The following FANCD2 variants were observed in gnomAD, a reference collection of about 807,000 sequenced individuals.
FANCD2 encodes the protein FA complementation group D2.
In FANCD2, 131 loss-of-function variants were observed where a neutral mutation model predicts 192.3. The observed-to-expected ratio is 0.68, with a 90% CI of 0.59 to 0.79. FANCD2 has a LOEUF of 0.79. FANCD2 is among the 30% of genes least tolerant of loss of function. The pLI, the probability that FANCD2 is intolerant of heterozygous loss-of-function variation, is 0.00. For missense variants in FANCD2, 1,508 were observed against 1,701.6 expected, an observed-to-expected ratio of 0.89 and a Z score of 2.00; for synonymous variants, 524 against 612.5, an observed-to-expected ratio of 0.86 and a Z score of 2.13.
intron 17 of FANCD2, among the ~76,000 whole-genome samples, chr3:10,050,589 C>T (rs1346952978): frequency 7.2e-6 from 1 of 139,300 alleles, no homozygotes; most frequent in Non-Finnish European, 1.5e-5. Flanking sequence ...CACCACTGCA[C>T]TCCAGTCTGG....
intron 3 of FANCD2, among the ~76,000 whole-genome samples, chr3:10,033,230 G>A (rs2124971518): frequency 6.6e-6 from 1 of 152,188 alleles, no homozygotes; most frequent in South Asian, 2.1e-4. Flanking sequence ...TGGGCAACAC[G>A]TCTCTACTAA....
chr3:10,040,296 A>G, intron 9 of FANCD2: 1 of 342,268 alleles, frequency 2.9e-6, no homozygotes, highest in South Asian at 2.3e-5. Flanking sequence ...TCGGCCTCCC[A>G]GAGTGCTGGG....
intron 14 of FANCD2, among the ~76,000 whole-genome samples, chr3:10,045,088 G>GTTTTTTTTTTTTT (rs76340293): frequency 1.2e-4 from 15 of 128,930 alleles, no homozygotes; most frequent in African/African-American, 2.0e-4. Flanking sequence ...CTTTTTAACT[G>GTTTTTTTTTTTTT]TTTTTTTTTT....
At chr3:10,099,483 G>A in intron 43 of FANCD2, 1 of 321,192 alleles carries the variant, frequency 3.1e-6, no homozygotes, top group Non-Finnish European at 4.8e-6. Flanking sequence ...AATAAACCTG[G>A]GTGCGGTGGC....
intron 38 of FANCD2, 136 bp from the exon 39 acceptor site, chr3:10,093,149 T>C: frequency 1.4e-6 from 1 of 701,688 alleles, no homozygotes. Context: ...CTTTGTAATA[T>C]TAATTTAAAT....
chr3:10,100,515 G>C (rs1293822135), intron 43 of FANCD2, among the ~76,000 whole-genome samples: 1 of 152,138 alleles, frequency 6.6e-6, no homozygotes, highest in Non-Finnish European at 1.5e-5. Flanking sequence ...AGGATTACAG[G>C]TGCCTGCAAC....
chr3:10,078,164 A>T lies in FANCD2; in HGVS notation c.2943A>T (p.Thr981=). ...CCCAGAAGCTGGAGAGTATGCTGAC[A>T]CCTCCTATTGCCAGGAGAGTCCCCT... ...DLSQKLESML[T]PPIARRVPFL... The change falls in exon 30 of 44, where the codon ACA becomes ACT. Residue 981 remains threonine (T), a synonymous_variant. Transcript: ENST00000675286. 2.5e-6 allele frequency: 4 copies of T among 1,613,062 alleles called. No individual in the cohort carries two copies. Among genetic ancestry groups the T allele is most frequent in the Non-Finnish European group, 3.4e-6 (4 of 1,179,210 alleles).
At position 10,086,145 on chromosome 3, in the gene FANCD2, C is replaced by G. The variant is rs56048825; in HGVS notation, c.3335+223C>G. Among the ~76,000 whole-genome samples, 112 of 152,314 alleles carry G rather than the reference C, an allele frequency of 7.4e-4. 1 individual carries two copies. In the South Asian group the frequency reaches 0.018, roughly 25 times the overall value. ...CTAAATCTTCATGAATGCATCAGCCCATAAACTCAGCCTTTTCAAGTAATA... is the reference window on the plus strand; with the variant it reads ...CTAAATCTTCATGAATGCATCAGCCGATAAACTCAGCCTTTTCAAGTAATA... On this transcript the variant is annotated intron_variant, in intron 33 of 43. Coordinates refer to ENST00000675286, the MANE Select transcript of FANCD2 (RefSeq NM_001018115.3).
chr3:10,027,017 A>G (rs1435266589), intron 1 of FANCD2, among the ~76,000 whole-genome samples: 1 of 152,224 alleles, frequency 6.6e-6, no homozygotes, highest in African/African-American at 2.4e-5. Context: ...GATGATGAGA[A>G]TAATGGTACC....
rs1206965584 is a variant in FANCD2, at chr3:10,041,766, AGT to A, written c.783+59_783+60del. 3 of 1,158,506 alleles carry A rather than the reference AGT, an allele frequency of 2.6e-6. No individual in the cohort carries two copies. In the East Asian group the frequency reaches 7.0e-5, roughly 27 times the overall value. 71.8% of individuals were successfully genotyped at this position (1,158,506 alleles called of 1,614,324 possible). On this transcript the variant is annotated intron_variant, in intron 10 of 43. Coordinates refer to ENST00000675286, the MANE Select transcript of FANCD2 (RefSeq NM_001018115.3). ...GCCAGCTTTCCAACCTCCCAGAACA[AGT>A]GTCAGTCAGTCATTGCCTTGGGAGT... is the stretch of plus-strand genomic sequence containing the variant.
intron 14 of FANCD2, chr3:10,046,286 C>T: frequency 2.7e-6 from 1 of 366,842 alleles, no homozygotes; most frequent in Non-Finnish European, 5.2e-6. Context: ...ATCTCCTGAC[C>T]TTGTGATCTG....
At chr3:10,030,418 C>CT (rs2086564170) in intron 2 of FANCD2, among the ~76,000 whole-genome samples, 1 of 152,052 alleles carries the variant, frequency 6.6e-6, no homozygotes, top group African/African-American at 2.4e-5. Flanking sequence ...TTCTTAATGC[C>CT]TTTGCATTCT....
chr3:10,093,518 T>C (rs1401823756), intron 39 of FANCD2, among the ~76,000 whole-genome samples, 195 bp downstream of exon 39: 3 of 152,176 alleles, frequency 2.0e-5, no homozygotes, highest in Non-Finnish European at 2.9e-5. Context: ...TTCCTATGAA[T>C]TTGAAAACTT....
Position 10,080,923 on chromosome 3 carries a change from T to C in FANCD2, c.2977-177T>C, listed in dbSNP as rs966250160. On this transcript the variant is annotated intron_variant, in intron 30 of 43. Transcript: ENST00000675286. ...TCTACAAAAGCCAATCTCTCAGTCATTGGAAGATGGAGCAAGATTTTTATC... is the reference window on the plus strand; with the variant it reads ...TCTACAAAAGCCAATCTCTCAGTCACTGGAAGATGGAGCAAGATTTTTATC... 3.4e-4 allele frequency among the ~76,000 whole-genome samples: 52 copies of C among 152,346 alleles called. No individual in the cohort carries two copies. The Middle Eastern group carries it at 0.014, about 40-fold the overall frequency.
At chr3:10,046,347 C>T in intron 14 of FANCD2, 1 of 540,922 alleles carries the variant, frequency 1.8e-6, no homozygotes, top group Non-Finnish European at 3.1e-6. Flanking sequence ...GCCACTGTGC[C>T]TGGCCTGCTC....
At chr3:10,072,561 C>T (rs767572680) in intron 26 of FANCD2, among the ~76,000 whole-genome samples, 8 of 152,156 alleles carry the variant, frequency 5.3e-5, no homozygotes, top group Admixed American at 6.5e-5. Flanking sequence ...GTTACAGGCG[C>T]GAGCCACCCT....
intron 17 of FANCD2, among the ~76,000 whole-genome samples, chr3:10,049,729 A>G (rs2125007034): frequency 1.3e-5 from 2 of 152,352 alleles, no homozygotes; most frequent in Middle Eastern, 6.8e-3. Flanking sequence ...TTAAAGACTA[A>G]GACACATAAG....
At chr3:10,066,124 A>G (rs2087713600) in intron 25 of FANCD2, 145 bp downstream of exon 25, 1 of 666,800 alleles carries the variant, frequency 1.5e-6, no homozygotes, top group Non-Finnish European at 2.7e-6. Context: ...ACCACTCCCC[A>G]GTTATATGAA....
At chr3:10,043,333 G>T in intron 12 of FANCD2, 151 bp from the exon 13 acceptor site, 2 of 805,616 alleles carry the variant, frequency 2.5e-6, no homozygotes, top group Non-Finnish European at 4.2e-6. Flanking sequence ...TAGCCATTCA[G>T]ATCAATCCCA....
Sources: allele counts gnomAD v4.1 joint callset (sites outside exome capture counted in the v4.1 genomes callset), GRCh38; gene constraint gnomAD v4.1.1; transcripts MANE v1.5; gene names NCBI Gene and HGNC (gene_info 2026-07-23, HGNC 2026-07-21).